The following MPDZ variants were observed in gnomAD, a reference collection of about 807,000 sequenced individuals.
MPDZ encodes the protein multiple PDZ domain protein.
In MPDZ, 234 loss-of-function variants were observed where a neutral mutation model predicts 239.1. That is an observed-to-expected ratio of 0.98 (90% CI 0.88 to 1.09). The LOEUF (loss-of-function observed/expected upper bound fraction) is 1.09. Ranked by LOEUF, MPDZ falls within the 50% of genes least tolerant of loss-of-function variation. The pLI is 0.00. For synonymous variants in MPDZ, 1,048 were observed against 881.3 expected, an observed-to-expected ratio of 1.19 and a Z score of -3.35; for missense variants, 3,175 against 2,510.0, an observed-to-expected ratio of 1.26 and a Z score of -5.66.
intron 3 of MPDZ, among the ~76,000 whole-genome samples, chr9:13,236,306 T>C (rs1446911410): frequency 8.1e-6 from 1 of 122,866 alleles, no homozygotes; most frequent in East Asian, 2.5e-4. Context: ...AGACAGAGTT[T>C]CACTCTTGTT....
chr9:13,216,434 A>G (rs1958355052), intron 10 of MPDZ, among the ~76,000 whole-genome samples: 1 of 151,548 alleles, frequency 6.6e-6, no homozygotes. Context: ...CAATACCCTA[A>G]AGGTACTGGA....
At chr9:13,226,175 A>T (rs141038479) in intron 3 of MPDZ, among the ~76,000 whole-genome samples, 108 of 152,212 alleles carry the variant, frequency 7.1e-4, no homozygotes, top group African/African-American at 2.4e-3. Context: ...CTGTGCCCTC[A>T]AATCGTGCTG....
intron 1 of MPDZ, among the ~76,000 whole-genome samples, chr9:13,274,887 A>G (rs979733123): frequency 2.6e-5 from 4 of 152,228 alleles, no homozygotes; most frequent in Non-Finnish European, 5.9e-5. Context: ...AGAACCATTA[A>G]AAGAAATATT....
intron 22 of MPDZ, chr9:13,165,393 AG>A (rs1247950394): frequency 1.3e-6 from 2 of 1,549,556 alleles, no homozygotes; most frequent in East Asian, 4.9e-5. Flanking sequence ...GATCGTCAGC[AG>A]GTGCTGCAGA....
At chr9:13,248,372 A>G (rs1966890999) in intron 2 of MPDZ, among the ~76,000 whole-genome samples, 1 of 152,184 alleles carries the variant, frequency 6.6e-6, no homozygotes, top group South Asian at 2.1e-4. Context: ...GCTTCAAACC[A>G]AATCAATTCA....
At chr9:13,239,454 G>A (rs541887695) in intron 3 of MPDZ, among the ~76,000 whole-genome samples, 35 of 152,166 alleles carry the variant, frequency 2.3e-4, no homozygotes, top group African/African-American at 8.2e-4. Context: ...AATAGAACTA[G>A]AACAGTTCTG....
At position 13,119,623 on chromosome 9, in the gene MPDZ, T is replaced by C. The variant is rs1463002111; in HGVS notation, c.5258A>G (p.Asp1753Gly). The change falls in exon 39 of 47, where the codon GAC becomes GGC. Residue 1753 changes from aspartate to glycine, a missense_variant. By Grantham distance (94) the Asp-to-Gly change is moderately conservative (BLOSUM62 -1). Coordinates refer to ENST00000319217, the MANE Select transcript of MPDZ (RefSeq NM_001378778.1). Reference protein sequence around the residue: ...KRNDTGVFVSDIVKGGIADAD... With the variant: ...KRNDTGVFVSGIVKGGIADAD... The stretch of plus-strand genomic sequence containing the variant: ...ATCTGCAATTCCTCCTTTGACAATG[T>C]CTGACACAAATACTCCAGTATCGTT... The C allele has an allele frequency of 9.3e-6, 15 of 1,614,018 alleles. No individual in the cohort carries two copies. The highest frequency in any genetic ancestry group is 1.3e-5 in the Non-Finnish European group (15 of 1,179,870).
intron 21 of MPDZ, among the ~76,000 whole-genome samples, chr9:13,173,733 C>G (rs1268134878): frequency 6.6e-6 from 1 of 151,874 alleles, no homozygotes; most frequent in Admixed American, 6.6e-5. Flanking sequence ...GGTAAGCAAT[C>G]CAAATAGCCA....
intron 3 of MPDZ, among the ~76,000 whole-genome samples, chr9:13,237,540 T>G (rs1272870431): frequency 6.6e-6 from 1 of 151,826 alleles, no homozygotes; most frequent in Non-Finnish European, 1.5e-5. Flanking sequence ...CTAATTTGAG[T>G]TGCAAGCTGA....
rs779501313 is a variant in MPDZ, at chr9:13,106,845, T to A, written c.*120A>T. 126 of 1,069,872 alleles carry A rather than the reference T, an allele frequency of 1.2e-4. No homozygotes were observed. Among genetic ancestry groups the A allele is most frequent in the Non-Finnish European group, 1.6e-4 (119 of 753,870 alleles). The allele number at this position is 1,069,872 out of a possible 1,614,324, so 66.3% of individuals were successfully genotyped here. On this transcript the variant is annotated 3_prime_UTR_variant, in exon 47 of 47. Transcript: ENST00000319217. The stretch of plus-strand genomic sequence containing the variant: ...TGAGAAAAAGAAACTTAAGTGTTAT[T>A]TCCCCCCTACAGTTTTGAAGACCCG...
intron 1 of MPDZ, among the ~76,000 whole-genome samples, chr9:13,273,752 T>C (rs1973542978): frequency 6.6e-6 from 1 of 152,208 alleles, no homozygotes; most frequent in Admixed American, 6.5e-5. Flanking sequence ...CAAATTATTA[T>C]TTCAACATAT....
At chr9:13,183,695 T>A in intron 18 of MPDZ, 110 bp from the exon 19 acceptor site, 1 of 1,003,546 alleles carries the variant, frequency 1.0e-6, no homozygotes, top group Non-Finnish European at 1.5e-6. Flanking sequence ...TTATCTATTG[T>A]ATTTTCTATA....
At chr9:13,245,411 GAAAAA>G (rs1177531449) in intron 3 of MPDZ, among the ~76,000 whole-genome samples, 1 of 108,862 alleles carries the variant, frequency 9.2e-6, no homozygotes, top group South Asian at 2.9e-4. Context: ...TTCTACCTTT[GAAAAA>G]AAAAAAAAAA....
Position 13,186,330 on chromosome 9 carries a change from T to C in MPDZ, c.2421A>G (p.Pro807=), listed in dbSNP as rs1419466655. The C allele has an allele frequency of 6.3e-7, 1 of 1,595,178 alleles. No individual in the cohort carries two copies. The highest frequency in any genetic ancestry group is 1.1e-5 in the South Asian group (1 of 87,548). ...SAKEDSFLYP[P]HSCEEAGLAD... is the part of the protein sequence containing the mutation. ...CCAGCCCTGCTTCCTCACAGGAGTG[T>C]GGTGGGTAGAGAAAGGAATCCTCCT... Residue 807 remains proline (P), a synonymous_variant, in exon 18 of 47, where the codon CCA becomes CCG. Transcript: ENST00000319217.
chr9:13,195,817 A>G (rs1955564190), intron 13 of MPDZ, among the ~76,000 whole-genome samples: 2 of 152,176 alleles, frequency 1.3e-5, no homozygotes, highest in Non-Finnish European at 1.5e-5. Context: ...TATAAATCAT[A>G]GGTTTAAAAA....
chr9:13,191,361 C>G (rs1459633346), intron 15 of MPDZ, among the ~76,000 whole-genome samples: 5 of 152,044 alleles, frequency 3.3e-5, no homozygotes, highest in Non-Finnish European at 7.4e-5. Flanking sequence ...CTCAATATAC[C>G]TTAAATGAGA....
chr9:13,129,877 G>A (rs1367985428), intron 32 of MPDZ, among the ~76,000 whole-genome samples: 9 of 152,062 alleles, frequency 5.9e-5, no homozygotes, highest in African/African-American at 1.7e-4. Context: ...TTTGAACAAC[G>A]AGTTGTATAA....
chr9:13,183,374 C>A (rs1034098670), intron 19 of MPDZ, 44 bp downstream of exon 19: 1 of 1,526,052 alleles, frequency 6.6e-7, no homozygotes, highest in African/African-American at 1.4e-5. Context: ...GAAAATTACA[C>A]ACAAGACTTT....
rs367878829 is a variant in MPDZ, at chr9:13,190,102, G to C, written c.2154+12C>G. On this transcript the variant is annotated intron_variant, in intron 16 of 46. Transcript: ENST00000319217. ...AGGCCTTTAAAAATTGTTAAAAGTA[G>C]TATATACTTACCTGATAATCTAAAA... The C allele has an allele frequency of 6.2e-7, 1 of 1,606,164 alleles. No homozygotes were observed. The highest frequency in any genetic ancestry group is 8.5e-7 in the Non-Finnish European group (1 of 1,175,700).
Sources: gnomAD v4.1 joint callset for allele counts (sites outside exome capture counted in the v4.1 genomes callset) on GRCh38, gnomAD v4.1.1 for gene constraint, MANE v1.5 for transcripts, NCBI Gene and HGNC (gene_info 2026-07-23, HGNC 2026-07-21) for gene names.